The following TMCC1 variants were observed in gnomAD, a reference collection of about 807,000 sequenced individuals.
TMCC1 encodes transmembrane and coiled-coil domain family 1.
Under a neutral mutation model 52.4 loss-of-function variants are expected in TMCC1, and 15 were observed. That is an observed-to-expected ratio of 0.29 (90% CI 0.19 to 0.44). The LOEUF is 0.44. Ranked by LOEUF, TMCC1 falls within the 20% of genes least tolerant of loss-of-function variation. TMCC1 has a pLI of 1.00. For missense variants in TMCC1, 503 were observed against 806.0 expected (o/e 0.62, Z 4.55); for synonymous variants, 279 against 301.9 (o/e 0.92, Z 0.79).
chr3:129,763,181 G>C lies in TMCC1; in HGVS notation c.576+64622C>G, dbSNP rs1280684777. ...CCACTGCACTCCAGCCTGGGTGACAGAGCAAGACTCTGTCTCAAAAAATAA... is the reference window on the plus strand; with the variant it reads ...CCACTGCACTCCAGCCTGGGTGACACAGCAAGACTCTGTCTCAAAAAATAA... On this transcript the variant is annotated intron_variant, in intron 4 of 6. Transcript: ENST00000393238. 2.7e-5 allele frequency among the ~76,000 whole-genome samples: 4 copies of C among 147,234 alleles called. No individual in the cohort carries two copies. The Admixed American group carries it at 2.7e-4, about 10-fold the overall frequency.
At chr3:129,694,069 A>G (rs2047218254) in intron 4 of TMCC1, among the ~76,000 whole-genome samples, 1 of 152,234 alleles carries the variant, frequency 6.6e-6, no homozygotes. Flanking sequence ...GGTGGTAAGG[A>G]AAGTCACTTC....
At chr3:129,769,922 G>A (rs1007171735) in intron 4 of TMCC1, among the ~76,000 whole-genome samples, 1 of 152,122 alleles carries the variant, frequency 6.6e-6, no homozygotes, top group Non-Finnish European at 1.5e-5. Context: ...AGAAGAATTT[G>A]TCTACCCTTT....
intron 4 of TMCC1, among the ~76,000 whole-genome samples, chr3:129,737,135 G>C (rs1370834857): frequency 1.3e-5 from 2 of 152,114 alleles, no homozygotes; most frequent in Admixed American, 6.5e-5. Flanking sequence ...AGTCATAAGG[G>C]CTTCACCCTC....
At chr3:129,863,530 T>C (rs1451170702) in intron 2 of TMCC1, among the ~76,000 whole-genome samples, 4 of 152,010 alleles carry the variant, frequency 2.6e-5, no homozygotes, top group Non-Finnish European at 4.4e-5. Context: ...AATAAAAGAA[T>C]AAGGGGAAAA....
intron 4 of TMCC1, among the ~76,000 whole-genome samples, chr3:129,768,451 T>C (rs146079734): frequency 5.3e-5 from 8 of 152,316 alleles, no homozygotes; most frequent in African/African-American, 1.7e-4. Flanking sequence ...AGAACTGATT[T>C]AAGCAACTAG....
At chr3:129,820,345 C>T (rs972777541) in intron 4 of TMCC1, among the ~76,000 whole-genome samples, 2 of 151,192 alleles carry the variant, frequency 1.3e-5, no homozygotes, top group Non-Finnish European at 2.9e-5. Flanking sequence ...ACTTAAAATG[C>T]CTGGATCAAA....
At chr3:129,875,460 C>T (rs953526645) in intron 2 of TMCC1, among the ~76,000 whole-genome samples, 1 of 122,922 alleles carries the variant, frequency 8.1e-6, no homozygotes, top group Admixed American at 1.1e-4. Flanking sequence ...CACTGCACTT[C>T]AGCCTAGGGG....
intron 2 of TMCC1, among the ~76,000 whole-genome samples, chr3:129,860,604 A>ATT (rs1318747657): frequency 6.8e-6 from 1 of 145,994 alleles, no homozygotes. Flanking sequence ...ACACATTATT[A>ATT]TTTTTTTTTT....
chr3:129,689,009 G>T (rs1486851826), intron 4 of TMCC1, among the ~76,000 whole-genome samples: 3 of 152,064 alleles, frequency 2.0e-5, no homozygotes, highest in Non-Finnish European at 2.9e-5. Context: ...TTCAATAAAG[G>T]CCCAGAAGAC....
At chr3:129,821,410 ATACAT>A (rs1560488428) in intron 4 of TMCC1, among the ~76,000 whole-genome samples, 1 of 152,250 alleles carries the variant, frequency 6.6e-6, no homozygotes, top group African/African-American at 2.4e-5. Context: ...AGGATCTTAC[ATACAT>A]TAGACACTCA....
At chr3:129,763,381 A>G (rs1269301323) in intron 4 of TMCC1, among the ~76,000 whole-genome samples, 1 of 148,344 alleles carries the variant, frequency 6.7e-6, no homozygotes, top group Non-Finnish European at 1.5e-5. Flanking sequence ...TGTCTCTACT[A>G]AAAAAATAAA....
chr3:129,846,427 A>G (rs1379423855), intron 2 of TMCC1, among the ~76,000 whole-genome samples: 1 of 152,206 alleles, frequency 6.6e-6, no homozygotes, highest in East Asian at 1.9e-4. Context: ...ACTGCAGGTC[A>G]TTTGAAATGG....
At chr3:129,761,440 G>A (rs1000110711) in intron 4 of TMCC1, among the ~76,000 whole-genome samples, 1 of 151,294 alleles carries the variant, frequency 6.6e-6, no homozygotes, top group Non-Finnish European at 1.5e-5. Flanking sequence ...ACAGGGTCTT[G>A]CCTTGTCGCC....
chr3:129,759,866 C>T (rs957501031), intron 4 of TMCC1, among the ~76,000 whole-genome samples: 3 of 150,882 alleles, frequency 2.0e-5, no homozygotes, highest in Non-Finnish European at 4.4e-5. Context: ...GGACTATAGG[C>T]GCCCGCCACC....
intron 2 of TMCC1, among the ~76,000 whole-genome samples, chr3:129,843,180 A>G (rs534085207): frequency 2.6e-5 from 4 of 152,088 alleles, no homozygotes; most frequent in Non-Finnish European, 4.4e-5. Flanking sequence ...CCCCATTTGT[A>G]CTGAAAATAC....
intron 4 of TMCC1, chr3:129,688,848 G>T: frequency 3.2e-6 from 2 of 620,674 alleles, no homozygotes; most frequent in Non-Finnish European, 4.0e-6. Flanking sequence ...AAAGCTACAG[G>T]GTATTAATTC....
chr3:129,793,288 C>A (rs1426932399), intron 4 of TMCC1, among the ~76,000 whole-genome samples: 1 of 152,122 alleles, frequency 6.6e-6, no homozygotes, highest in Non-Finnish European at 1.5e-5. Context: ...GCATATGTGA[C>A]ACAGGGATGG....
chr3:129,880,975 T>C (rs2107993790), intron 1 of TMCC1, among the ~76,000 whole-genome samples: 1 of 151,936 alleles, frequency 6.6e-6, no homozygotes, highest in East Asian at 1.9e-4. Context: ...GCGATTCTCC[T>C]GCCTCATCCT....
At chr3:129,843,295 C>T (rs1340777624) in intron 2 of TMCC1, among the ~76,000 whole-genome samples, 1 of 151,480 alleles carries the variant, frequency 6.6e-6, no homozygotes, top group African/African-American at 2.4e-5. Flanking sequence ...TGCAGTGAGC[C>T]GAGATCGCAC....
Sources: allele counts gnomAD v4.1 joint callset (sites outside exome capture counted in the v4.1 genomes callset), GRCh38; gene constraint gnomAD v4.1.1; transcripts MANE v1.5; gene names NCBI Gene and HGNC (gene_info 2026-07-23, HGNC 2026-07-21).